Variants in PAM observed in about 807,000 individuals in gnomAD.
PAM encodes the protein peptidyl-glycine alpha-amidating monooxygenase.
In PAM, 72 loss-of-function variants were observed where a neutral mutation model predicts 122.1. The observed-to-expected ratio is 0.59, with a 90% confidence interval of 0.49 to 0.72. The LOEUF (loss-of-function observed/expected upper bound fraction) is 0.72, where lower values mean the gene tolerates loss of function less well. PAM is among the 30% of genes least tolerant of loss of function. The pLI, the probability that PAM is intolerant of heterozygous loss-of-function variation, is 0.00. For missense variants in PAM, 1,106 were observed against 1,183.7 expected, an observed-to-expected ratio of 0.93 and a Z score of 0.96; for synonymous variants, 389 against 404.4, an observed-to-expected ratio of 0.96 and a Z score of 0.46.
intron 21 of PAM, among the ~76,000 whole-genome samples, chr5:103,011,199 G>T (rs1443316375): frequency 6.6e-6 from 1 of 152,102 alleles, no homozygotes; most frequent in Non-Finnish European, 1.5e-5. Context: ...CCACGTCTGT[G>T]ACCCAATAAT....
At chr5:102,815,778 G>A (rs1417712365) in intron 1 of PAM, among the ~76,000 whole-genome samples, 1 of 152,084 alleles carries the variant, frequency 6.6e-6, no homozygotes, top group Non-Finnish European at 1.5e-5. Context: ...AAAGACTGGT[G>A]GTGCAGAAAC....
chr5:103,028,297 CTT>C (rs1785583355), intron 25 of PAM, 59 bp downstream of exon 25: 1 of 1,192,448 alleles, frequency 8.4e-7, no homozygotes, highest in South Asian at 1.3e-5. Context: ...AAGCACATGT[CTT>C]TTAAAAAGCA....
intron 1 of PAM, among the ~76,000 whole-genome samples, chr5:102,848,462 C>G (rs1165372161): frequency 6.6e-6 from 1 of 152,126 alleles, no homozygotes; most frequent in African/African-American, 2.4e-5. Context: ...AAAGGGGAAC[C>G]CTATATATAC....
At chr5:103,006,539 T>C (rs1246481327) in intron 18 of PAM, among the ~76,000 whole-genome samples, 3 of 152,218 alleles carry the variant, frequency 2.0e-5, no homozygotes, top group Admixed American at 1.3e-4. Context: ...TGGGTATCCA[T>C]GTACTAGTCT....
chr5:103,003,618 C>G (rs1778065535), intron 17 of PAM, among the ~76,000 whole-genome samples: 1 of 151,994 alleles, frequency 6.6e-6, no homozygotes, highest in Non-Finnish European at 1.5e-5. Flanking sequence ...GATTTAGATT[C>G]TGTATAGAGT....
chr5:102,938,225 A>G (rs1161648657), intron 7 of PAM, among the ~76,000 whole-genome samples: 1 of 152,104 alleles, frequency 6.6e-6, no homozygotes, highest in Non-Finnish European at 1.5e-5. Flanking sequence ...AGCTTGCTGC[A>G]TTTCAACTTT....
At chr5:102,875,122 A>G (rs1788725900) in intron 3 of PAM, among the ~76,000 whole-genome samples, 1 of 151,900 alleles carries the variant, frequency 6.6e-6, no homozygotes, top group African/African-American at 2.4e-5. Flanking sequence ...TTCTACATAT[A>G]TTGTAGAATA....
At chr5:102,964,450 C>T (rs1264554859) in intron 14 of PAM, among the ~76,000 whole-genome samples, 1 of 151,820 alleles carries the variant, frequency 6.6e-6, no homozygotes, top group Non-Finnish European at 1.5e-5. Context: ...GATGTAATTA[C>T]AGAGACACCA....
chr5:102,819,299 A>C (rs1215738309), intron 1 of PAM, among the ~76,000 whole-genome samples: 1 of 152,168 alleles, frequency 6.6e-6, no homozygotes, highest in Non-Finnish European at 1.5e-5. Flanking sequence ...ATAGAACAAC[A>C]ACAATGAAAC....
intron 1 of PAM, among the ~76,000 whole-genome samples, chr5:102,863,590 G>T (rs1227176112): frequency 4.7e-5 from 7 of 147,576 alleles, no homozygotes; most frequent in African/African-American, 1.7e-4. Flanking sequence ...TAAAACTCCA[G>T]TATGTATTAT....
chr5:103,010,446 G>T (rs974747854), intron 21 of PAM, among the ~76,000 whole-genome samples: 4 of 152,166 alleles, frequency 2.6e-5, no homozygotes, highest in Non-Finnish European at 5.9e-5. Flanking sequence ...CAGCAACTGT[G>T]TTCAGTGTGC....
At chr5:102,816,389 C>G (rs1769807819) in intron 1 of PAM, among the ~76,000 whole-genome samples, 2 of 152,106 alleles carry the variant, frequency 1.3e-5, no homozygotes, top group Non-Finnish European at 2.9e-5. Context: ...GACTGTGATG[C>G]CACACTGGTA....
chr5:102,764,072 G>T (rs1296305515), intron 1 of PAM, among the ~76,000 whole-genome samples: 1 of 151,812 alleles, frequency 6.6e-6, no homozygotes, highest in Non-Finnish European at 1.5e-5. Context: ...GTTTTGGGGG[G>T]AATACCATTA....
chr5:102,846,290 A>G (rs950127384), intron 1 of PAM, among the ~76,000 whole-genome samples: 1 of 152,180 alleles, frequency 6.6e-6, no homozygotes, highest in African/African-American at 2.4e-5. Flanking sequence ...CACCTATAGG[A>G]TAAAGATAAA....
At chr5:102,926,971 T>C (rs1244708756) in intron 7 of PAM, among the ~76,000 whole-genome samples, 1 of 152,142 alleles carries the variant, frequency 6.6e-6, no homozygotes, top group African/African-American at 2.4e-5. Context: ...GTGCGGATCA[T>C]TCCAAGCAAC....
chr5:102,986,207 C>T (rs78287462), intron 15 of PAM, among the ~76,000 whole-genome samples: 8,303 of 151,970 alleles, frequency 0.055, 731 homozygotes, highest in African/African-American at 0.19. Flanking sequence ...ATTCCTATTC[C>T]GCATAGTACT....
At chr5:102,767,321 T>G (rs1754403748) in intron 1 of PAM, among the ~76,000 whole-genome samples, 1 of 152,162 alleles carries the variant, frequency 6.6e-6, no homozygotes, top group African/African-American at 2.4e-5. Flanking sequence ...GTGCACCTTT[T>G]GTGGCGTTTT....
chr5:102,775,510 G>A (rs948007424), intron 1 of PAM, among the ~76,000 whole-genome samples: 15 of 151,890 alleles, frequency 9.9e-5, no homozygotes, highest in Non-Finnish European at 1.2e-4. Context: ...CACCCCGAAA[G>A]GCCCCAGTGT....
intron 1 of PAM, among the ~76,000 whole-genome samples, chr5:102,860,711 C>T (rs918306781): frequency 3.3e-5 from 5 of 151,726 alleles, no homozygotes; most frequent in African/African-American, 4.8e-5. Context: ...ATAAAATAAC[C>T]GCTTCACCAA....
Sources: gnomAD v4.1 joint callset for allele counts (sites outside exome capture counted in the v4.1 genomes callset) on GRCh38, gnomAD v4.1.1 for gene constraint, MANE v1.5 for transcripts, NCBI Gene and HGNC (gene_info 2026-07-23, HGNC 2026-07-21) for gene names.